BCAS3: variants seen among roughly 807,000 people sequenced by gnomAD.
The protein encoded by BCAS3 is BCAS4/BCAS3 fusion.
In BCAS3, 53 loss-of-function variants were observed where a neutral mutation model predicts 116.1. The observed-to-expected ratio is 0.46, with a 90% confidence interval of 0.37 to 0.57. The LOEUF (loss-of-function observed/expected upper bound fraction) is 0.57. Ranked by LOEUF, BCAS3 falls within the 20% of genes least tolerant of loss-of-function variation. BCAS3 has a pLI of 0.00. For synonymous variants in BCAS3, 391 were observed against 408.2 expected (o/e 0.96, Z 0.51); for missense variants, 917 against 1,165.4 (o/e 0.79, Z 3.10).
At position 60,968,884 on chromosome 17, in the gene BCAS3, G is replaced by A. The variant is rs1240544792; in HGVS notation, c.1222-21087G>A. ...GTTGTTTCTCCCATCAGGCAGCCAC[G>A]ATACTTCCTGCCAGTTAAGGCAAGG... On this transcript the variant is annotated intron_variant, in intron 14 of 23. Transcript: ENST00000407086. 8.5e-5 allele frequency among the ~76,000 whole-genome samples: 13 copies of A among 152,198 alleles called. No homozygotes were observed. In the East Asian group the frequency reaches 1.9e-3, roughly 23 times the overall value.
At chr17:60,862,579 T>C (rs1251214817) in intron 7 of BCAS3, among the ~76,000 whole-genome samples, 1 of 152,228 alleles carries the variant, frequency 6.6e-6, no homozygotes, top group East Asian at 1.9e-4. Context: ...ATCTCTCCTA[T>C]GTTTTCTAGT....
intron 22 of BCAS3, among the ~76,000 whole-genome samples, chr17:61,117,587 CCT>C (rs935134403): frequency 3.3e-5 from 5 of 152,058 alleles, no homozygotes; most frequent in African/African-American, 4.8e-5. Context: ...ACAGCAAGCC[CCT>C]GTCTCAAAAA....
intron 7 of BCAS3, among the ~76,000 whole-genome samples, chr17:60,838,925 C>T (rs1319117519): frequency 1.3e-5 from 2 of 152,088 alleles, no homozygotes; most frequent in African/African-American, 4.8e-5. Context: ...GAAATGGGCT[C>T]AAGTGGTCCT....
At chr17:60,710,620 AT>A (rs2037769778) in intron 5 of BCAS3, among the ~76,000 whole-genome samples, 1 of 151,694 alleles carries the variant, frequency 6.6e-6, no homozygotes, top group African/African-American at 2.4e-5. Flanking sequence ...TTTAGTACAG[AT>A]GGGGTTTCAC....
chr17:61,173,596 C>T (rs2078980522), intron 22 of BCAS3, among the ~76,000 whole-genome samples: 3 of 152,064 alleles, frequency 2.0e-5, no homozygotes, highest in Non-Finnish European at 4.4e-5. Flanking sequence ...GTGGCCTCAC[C>T]TCTCATCTTA....
rs1469880149 is a variant in BCAS3 at position 61,105,493 on chromosome 17, T to G, written c.2425+20929T>G. Among the ~76,000 whole-genome samples the G allele has an allele frequency of 6.6e-6, 1 of 152,224 alleles. No individual in the cohort carries two copies. Among genetic ancestry groups the G allele is most frequent in the Non-Finnish European group, 1.5e-5 (1 of 68,032 alleles). On this transcript the variant is annotated intron_variant, in intron 22 of 23. Coordinates refer to ENST00000407086, the MANE Select transcript of BCAS3 (RefSeq NM_017679.5). This position sits in a 1 kb window ranked among gnomAD's most constrained non-coding sequence, Gnocchi z 4.3. ...AGGCTGCAGTGCAATGGCGCGACCTTGGCTCAAAGCAAGCTCTGTCTCCTA... is the reference window on the plus strand; with the variant it reads ...AGGCTGCAGTGCAATGGCGCGACCTGGGCTCAAAGCAAGCTCTGTCTCCTA...
chr17:61,023,437 G>C lies in BCAS3; in HGVS notation c.1637+7536G>C, dbSNP rs1315236418. ...GTATGTTTATAAAATTTGTCTCTTA[G>C]ATGCCACGTACTTCTTTAACTCTGG... On this transcript the variant is annotated intron_variant, in intron 16 of 23. Coordinates refer to ENST00000407086, the MANE Select transcript of BCAS3 (RefSeq NM_017679.5). The surrounding 1 kb of genome is among the most constrained non-coding windows in gnomAD (Gnocchi z 4.8). Among the ~76,000 whole-genome samples, 1 of 152,180 alleles carries C rather than the reference G, an allele frequency of 6.6e-6. No homozygotes were observed. Among genetic ancestry groups the C allele is most frequent in the African/African-American group, 2.4e-5 (1 of 41,450 alleles).
intron 6 of BCAS3, among the ~76,000 whole-genome samples, chr17:60,803,796 ATTT>A (rs11384999): frequency 7.7e-4 from 69 of 89,324 alleles, no homozygotes; most frequent in Middle Eastern, 9.6e-3. Context: ...AACTATTACG[ATTT>A]TTTTTTTTTT....
intron 22 of BCAS3, among the ~76,000 whole-genome samples, chr17:61,209,157 A>C (rs1238018733): frequency 6.8e-6 from 1 of 147,284 alleles, no homozygotes; most frequent in African/African-American, 2.5e-5. Flanking sequence ...GAAAAAAAAA[A>C]GGCCACCCCG....
intron 7 of BCAS3, among the ~76,000 whole-genome samples, chr17:60,861,664 C>T (rs1192692738): frequency 2.0e-5 from 3 of 151,960 alleles, no homozygotes; most frequent in South Asian, 4.1e-4. Context: ...AGGTATGTTC[C>T]TTCAATATCT....
chr17:61,097,899 C>T lies in BCAS3; in HGVS notation c.2425+13335C>T, dbSNP rs1402420301. Among the ~76,000 whole-genome samples, 1 of 152,154 alleles carries T rather than the reference C, an allele frequency of 6.6e-6. No homozygotes were observed. The highest frequency in any genetic ancestry group is 2.4e-5 in the African/African-American group (1 of 41,430). On this transcript the variant is annotated intron_variant, in intron 22 of 23. Transcript: ENST00000407086. This position sits in a 1 kb window ranked among gnomAD's most constrained non-coding sequence, Gnocchi z 4.0. The stretch of plus-strand genomic sequence containing the variant: ...AATATTCATTTCAAAACACTGTATG[C>T]TGAAATGAGCCACGTGGGAGTTGAA...
chr17:60,930,819 A>T (rs1332920593), intron 13 of BCAS3, among the ~76,000 whole-genome samples: 1 of 152,058 alleles, frequency 6.6e-6, no homozygotes, highest in African/African-American at 2.4e-5. Context: ...CATGTCCTGG[A>T]CAACAAAATC....
In BCAS3 at chr17:61,063,856, C is replaced by T. The variant is rs999799784; in HGVS notation, c.2030-11064C>T. Among the ~76,000 whole-genome samples, 7 of 152,218 alleles carry T rather than the reference C, an allele frequency of 4.6e-5. No homozygotes were observed. Among genetic ancestry groups the T allele is most frequent in the Middle Eastern group, 6.8e-3 (2 of 294 alleles). On this transcript the variant is annotated intron_variant, in intron 19 of 23. Transcript: ENST00000407086. This position sits in a 1 kb window ranked among gnomAD's most constrained non-coding sequence, Gnocchi z 5.3. ...ATCAAATTGATATGGATGGCCTGGC[C>T]ACTGAAGACTTCATCTTCAATACCA...
chr17:60,808,348 T>G (rs1432439905), intron 7 of BCAS3, among the ~76,000 whole-genome samples: 1 of 152,242 alleles, frequency 6.6e-6, no homozygotes, highest in Non-Finnish European at 1.5e-5. Flanking sequence ...ATCTTTCCAG[T>G]TAGTGCATTC....
Position 60,791,296 on chromosome 17 carries a change from C to A in BCAS3, c.404-16708C>A, listed in dbSNP as rs561980900. On this transcript the variant is annotated intron_variant, in intron 6 of 23. Coordinates refer to ENST00000407086, the MANE Select transcript of BCAS3 (RefSeq NM_017679.5). ...TCTCAGTATATTACCATTAACCTTT[C>A]CTTCTTTGGATTAGACCTCATTATT... 1.3e-3 allele frequency among the ~76,000 whole-genome samples: 191 copies of A among 152,268 alleles called. 1 individual carries two copies. Among genetic ancestry groups the A allele is most frequent in the African/African-American group, 4.4e-3 (184 of 41,568 alleles).
chr17:61,045,896 T>C lies in BCAS3; in HGVS notation c.2029+5004T>C, dbSNP rs1284095475. On this transcript the variant is annotated intron_variant, in intron 19 of 23. Coordinates refer to ENST00000407086, the MANE Select transcript of BCAS3 (RefSeq NM_017679.5). Reference sequence around the variant, plus strand: ...ATATAAATATATATTATATATATAATATATATAAATATATATTTATATATA... The same window carrying C: ...ATATAAATATATATTATATATATAACATATATAAATATATATTTATATATA... Among the ~76,000 whole-genome samples the C allele has an allele frequency of 8.6e-5, 3 of 34,986 alleles. No individual in the cohort carries two copies. In the South Asian group the frequency reaches 2.3e-3, roughly 27 times the overall value. 23.0% of individuals were successfully genotyped at this position (34,986 alleles called of 152,430 possible). A position where few individuals can be genotyped will look rare whatever the true frequency, so the allele number is the denominator to read the frequency against.
intron 22 of BCAS3, among the ~76,000 whole-genome samples, chr17:61,266,099 T>C (rs958654327): frequency 6.6e-6 from 1 of 152,350 alleles, no homozygotes; most frequent in East Asian, 1.9e-4. Flanking sequence ...TTCATTAAAA[T>C]GATATCTCTT....
intron 22 of BCAS3, among the ~76,000 whole-genome samples, chr17:61,321,474 T>C (rs959657147): frequency 7.2e-5 from 11 of 152,150 alleles, no homozygotes; most frequent in African/African-American, 2.7e-4. Context: ...AAAGCAGCAA[T>C]GGTGAGTGGC....
At chr17:60,871,726 C>A (rs1435849007) in intron 8 of BCAS3, among the ~76,000 whole-genome samples, 1 of 151,622 alleles carries the variant, frequency 6.6e-6, no homozygotes, top group Non-Finnish European at 1.5e-5. Context: ...CATTCTTACA[C>A]CCTGGGTTTC....
Sources: gnomAD v4.1 joint callset for allele counts (sites outside exome capture counted in the v4.1 genomes callset) on GRCh38, gnomAD v4.1.1 for gene constraint, Gnocchi (gnomAD v3.1) non-coding constraint, MANE v1.5 for transcripts, NCBI Gene and HGNC (gene_info 2026-07-23, HGNC 2026-07-21) for gene names.